The following BCAS3 variants were observed in gnomAD, a reference collection of about 807,000 sequenced individuals.
BCAS3 encodes the protein BCAS4/BCAS3 fusion.
A neutral mutation model predicts 116.1 loss-of-function variants in BCAS3; 53 were observed. The observed-to-expected ratio is 0.46, with a 90% CI of 0.37 to 0.57. BCAS3 has a LOEUF of 0.57. BCAS3 is among the 20% of genes least tolerant of loss of function. The probability of loss-of-function intolerance (pLI) is 0.00; values close to 1 mark genes in which losing one functional copy is unlikely to be tolerated. For missense variants in BCAS3, 917 were observed against 1,165.4 expected (o/e 0.79, Z 3.10); for synonymous variants, 391 against 408.2 (o/e 0.96, Z 0.51).
At chr17:61,182,946 T>C (rs1198334046) in intron 22 of BCAS3, among the ~76,000 whole-genome samples, 8 of 152,246 alleles carry the variant, frequency 5.3e-5, no homozygotes, top group Non-Finnish European at 2.9e-5. Context: ...TCCCTGTTAC[T>C]TTCAGTGTTG....
chr17:60,959,914 C>T (rs968450797), intron 14 of BCAS3, among the ~76,000 whole-genome samples: 1 of 152,312 alleles, frequency 6.6e-6, no homozygotes, highest in Non-Finnish European at 1.5e-5. Flanking sequence ...ATCACTCAGT[C>T]TCTGTCTCTC....
intron 13 of BCAS3, among the ~76,000 whole-genome samples, chr17:60,940,192 A>G (rs148813203): frequency 0.011 from 1,640 of 152,338 alleles, 14 homozygotes; most frequent in Non-Finnish European, 0.017. Context: ...AATAAGGGCA[A>G]TATCACTGAT....
At chr17:60,743,473 AT>A (rs201801338) in intron 5 of BCAS3, among the ~76,000 whole-genome samples, 1 of 151,172 alleles carries the variant, frequency 6.6e-6, no homozygotes, top group African/African-American at 2.4e-5. Flanking sequence ...GGATGTATGT[AT>A]TTTTTCTGTG....
chr17:61,338,560 T>C (rs1252290372), intron 22 of BCAS3, among the ~76,000 whole-genome samples: 1 of 152,058 alleles, frequency 6.6e-6, no homozygotes, highest in East Asian at 1.9e-4. Context: ...TCATTTCTTT[T>C]GGGAAGTAGG....
rs2075699441 is a variant in BCAS3, at chr17:61,119,966, A to C, written c.2425+35402A>C. Among the ~76,000 whole-genome samples the C allele has an allele frequency of 4.6e-5, 7 of 152,098 alleles. 1 individual carries two copies. The highest frequency in any genetic ancestry group is 3.9e-4 in the Admixed American group (6 of 15,276). ...TAGAACCTATGTAAAGAAAACTATG[A>C]AATTCTACAGAGTGATTAAAAAATT... On this transcript the variant is annotated intron_variant, in intron 22 of 23. Coordinates refer to ENST00000407086, the MANE Select transcript of BCAS3 (RefSeq NM_017679.5).
At chr17:61,190,826 C>A (rs1245519254) in intron 22 of BCAS3, among the ~76,000 whole-genome samples, 1 of 152,102 alleles carries the variant, frequency 6.6e-6, no homozygotes, top group Non-Finnish European at 1.5e-5. Flanking sequence ...TGGTCTCGAA[C>A]TCCTGACCTC....
chr17:60,797,967 GA>G (rs1221982382), intron 6 of BCAS3, among the ~76,000 whole-genome samples: 1 of 152,156 alleles, frequency 6.6e-6, no homozygotes, highest in Non-Finnish European at 1.5e-5. Flanking sequence ...ATTTGAGCTG[GA>G]AGGTGGAAGT....
intron 10 of BCAS3, among the ~76,000 whole-genome samples, chr17:60,897,091 G>T (rs1567818231): frequency 6.6e-6 from 1 of 152,206 alleles, no homozygotes; most frequent in East Asian, 1.9e-4. Context: ...GTCTTGTAGG[G>T]TCAATATAGT....
chr17:60,826,176 G>C (rs777315991), intron 7 of BCAS3, among the ~76,000 whole-genome samples: 1 of 151,414 alleles, frequency 6.6e-6, no homozygotes, highest in African/African-American at 2.4e-5. Context: ...ATTTTTGATT[G>C]ATTAATTAAT....
In BCAS3 at chr17:61,372,770, AC is replaced by A. The variant is rs911861250; in HGVS notation, c.2593+4282del. Among the ~76,000 whole-genome samples the A allele has an allele frequency of 3.3e-5, 5 of 149,414 alleles. 1 individual carries two copies. Among genetic ancestry groups the A allele is most frequent in the Non-Finnish European group, 7.4e-5 (5 of 67,528 alleles). On this transcript the variant is annotated intron_variant, in intron 23 of 23. Coordinates refer to ENST00000407086, the MANE Select transcript of BCAS3 (RefSeq NM_017679.5). ...CTCAAAGCCCCCTCCTCTCTCTGTT[AC>A]CCCCCTCAAAATAACTTGACTAATT...
intron 6 of BCAS3, among the ~76,000 whole-genome samples, chr17:60,799,524 G>GT (rs869112996): frequency 0.04 from 4,095 of 102,336 alleles, 267 homozygotes; most frequent in Non-Finnish European, 0.051. Context: ...ATTAGTGTTT[G>GT]TTTTTTTTTT....
chr17:61,212,080 T>C (rs1245215907), intron 22 of BCAS3, among the ~76,000 whole-genome samples: 1 of 152,206 alleles, frequency 6.6e-6, no homozygotes, highest in African/African-American at 2.4e-5. Flanking sequence ...CACGATTGTT[T>C]TCTGTCATTT....
chr17:61,146,890 A>C (rs1484763846), intron 22 of BCAS3, among the ~76,000 whole-genome samples: 1 of 152,100 alleles, frequency 6.6e-6, no homozygotes, highest in African/African-American at 2.4e-5. Flanking sequence ...TAGTTTTTTT[A>C]ATGGCAGATG....
chr17:61,101,123 C>T (rs1337996670), intron 22 of BCAS3, among the ~76,000 whole-genome samples: 3 of 152,104 alleles, frequency 2.0e-5, no homozygotes, highest in Non-Finnish European at 4.4e-5. Context: ...AAATACATCA[C>T]CTCCACTCTG....
chr17:61,382,430 T>G (rs2059649559), intron 23 of BCAS3, among the ~76,000 whole-genome samples: 1 of 151,030 alleles, frequency 6.6e-6, no homozygotes, highest in Non-Finnish European at 1.5e-5. Flanking sequence ...CCAGCTAATT[T>G]TTTGCATTTT....
chr17:60,739,868 G>GTTT (rs1203592870), intron 5 of BCAS3, among the ~76,000 whole-genome samples: 14 of 146,920 alleles, frequency 9.5e-5, no homozygotes, highest in African/African-American at 3.7e-4. Flanking sequence ...AGAGGTTGCT[G>GTTT]TTTTTTTTGT....
At chr17:60,810,360 G>A (rs1598870059) in intron 7 of BCAS3, 3 of 442,552 alleles carry the variant, frequency 6.8e-6, no homozygotes, top group Non-Finnish European at 1.3e-5. Context: ...GCCTGGTTGT[G>A]GGGATGGCGG....
chr17:60,868,679 A>G lies in BCAS3; in HGVS notation c.580A>G (p.Lys194Glu), dbSNP rs764414602. 2 of 1,568,020 alleles carry G rather than the reference A, an allele frequency of 1.3e-6. No homozygotes were observed. The highest frequency in any genetic ancestry group is 2.4e-5 in the South Asian group (2 of 84,752). ...KTPIYDLHCN[K>E]RILVVVLQEK... The stretch of plus-strand genomic sequence containing the variant: ...ACCTATTTATGATCTCCATTGCAAT[A>G]AACGGTAAGGATTTTTTCATGGGTT... Residue 194 changes from lysine (K) to glutamate (E), a missense_variant, in exon 8 of 24, where the codon AAA becomes GAA. Physicochemically the swap from Lys to Glu is moderately conservative, Grantham distance 56. Coordinates refer to ENST00000407086, the MANE Select transcript of BCAS3 (RefSeq NM_017679.5).
Position 61,140,314 on chromosome 17 carries a change from A to G in BCAS3, c.2425+55750A>G, listed in dbSNP as rs1018590355. 6.6e-6 allele frequency among the ~76,000 whole-genome samples: 1 copy of G among 152,210 alleles called. No homozygotes were observed. Among genetic ancestry groups the G allele is most frequent in the Non-Finnish European group, 1.5e-5 (1 of 68,040 alleles). The stretch of plus-strand genomic sequence containing the variant: ...AAGTACGGAAGTTTGCTTTGAATAT[A>G]TAGCAAAGGATATGTGAGGGATAGC... On this transcript the variant is annotated intron_variant, in intron 22 of 23. Coordinates refer to ENST00000407086, the MANE Select transcript of BCAS3 (RefSeq NM_017679.5). This position sits in a 1 kb window ranked among gnomAD's most constrained non-coding sequence, Gnocchi z 4.2.
Sources: allele counts gnomAD v4.1 joint callset (sites outside exome capture counted in the v4.1 genomes callset), GRCh38; gene constraint gnomAD v4.1.1; non-coding constraint Gnocchi (gnomAD v3.1); transcripts MANE v1.5; gene names NCBI Gene and HGNC (gene_info 2026-07-23, HGNC 2026-07-21).